The following CDH12 variants were observed in gnomAD, a reference collection of about 807,000 sequenced individuals.
The protein encoded by CDH12 is cadherin-12.
A neutral mutation model predicts 74.1 loss-of-function variants in CDH12; 41 were observed. The ratio of observed to expected loss-of-function variants is 0.55; its 90% CI spans 0.43 to 0.72. CDH12 has a LOEUF of 0.72. Among genes scored for constraint, CDH12 ranks in the 30% least tolerant of loss-of-function variants. The pLI is 0.00. For synonymous variants in CDH12, 399 were observed against 355.0 expected (o/e 1.12, Z -1.39); for missense variants, 945 against 977.2 (o/e 0.97, Z 0.44).
chr5:22,516,922 A>C (rs1736834266), intron 1 of CDH12, among the ~76,000 whole-genome samples: 1 of 152,172 alleles, frequency 6.6e-6, no homozygotes, highest in Non-Finnish European at 1.5e-5. Context: ...AAATGAATGG[A>C]CAAAAAATAC....
intron 1 of CDH12, among the ~76,000 whole-genome samples, chr5:22,693,507 T>C (rs1742192818): frequency 6.6e-6 from 1 of 152,098 alleles, no homozygotes; most frequent in African/African-American, 2.4e-5. Context: ...AATAACCCAT[T>C]TTGTGTGCCT....
At chr5:22,520,024 G>C (rs1012868021) in intron 1 of CDH12, among the ~76,000 whole-genome samples, 7 of 151,950 alleles carry the variant, frequency 4.6e-5, no homozygotes, top group African/African-American at 7.3e-5. Context: ...TTTACTCTAT[G>C]ATGAGAAAAA....
intron 8 of CDH12, among the ~76,000 whole-genome samples, chr5:21,817,344 C>G (rs182375489): frequency 2.1e-4 from 32 of 152,152 alleles, no homozygotes; most frequent in Middle Eastern, 3.4e-3. Context: ...AGAATTTTAA[C>G]TGGGCATTAT....
At chr5:22,029,003 C>A (rs915657746) in intron 5 of CDH12, among the ~76,000 whole-genome samples, 3 of 152,070 alleles carry the variant, frequency 2.0e-5, no homozygotes, top group African/African-American at 7.2e-5. Context: ...GAAAAACAAG[C>A]AATGGGGAAA....
chr5:22,746,428 G>A (rs940327038), intron 1 of CDH12, among the ~76,000 whole-genome samples: 1 of 152,130 alleles, frequency 6.6e-6, no homozygotes, highest in Non-Finnish European at 1.5e-5. Flanking sequence ...GTTTCTATCT[G>A]GTTTATCAGA....
At chr5:21,898,007 A>T (rs906501952) in intron 6 of CDH12, among the ~76,000 whole-genome samples, 1 of 152,144 alleles carries the variant, frequency 6.6e-6, no homozygotes. Context: ...AATATTTCTG[A>T]TATTTTTATT....
intron 3 of CDH12, among the ~76,000 whole-genome samples, chr5:22,331,009 C>T (rs368601261): frequency 2.0e-5 from 3 of 152,010 alleles, no homozygotes; most frequent in East Asian, 3.9e-4. Flanking sequence ...TCAGCGGTAG[C>T]CTAGCAGAAC....
intron 6 of CDH12, among the ~76,000 whole-genome samples, chr5:21,961,558 G>T (rs150037938): frequency 1.3e-5 from 2 of 152,072 alleles, no homozygotes; most frequent in Non-Finnish European, 2.9e-5. Flanking sequence ...TTTAAAGATA[G>T]GATCTTTATA....
chr5:22,478,439 A>T (rs571667627), intron 2 of CDH12, among the ~76,000 whole-genome samples: 23 of 144,668 alleles, frequency 1.6e-4, no homozygotes, highest in African/African-American at 5.9e-4. Context: ...AAAAAAAAAG[A>T]AAGAAATAAT....
In CDH12 at chr5:21,916,095, T is replaced by C. The variant is rs151106785; in HGVS notation, c.526+58996A>G. Among the ~76,000 whole-genome samples, 478 of 152,228 alleles carry C rather than the reference T, an allele frequency of 3.1e-3. 1 individual carries two copies. Among genetic ancestry groups the C allele is most frequent in the Non-Finnish European group, 5.2e-3 (351 of 68,012 alleles). On this transcript the variant is annotated intron_variant, in intron 6 of 14. Coordinates refer to ENST00000382254, the MANE Select transcript of CDH12 (RefSeq NM_004061.5). The stretch of plus-strand genomic sequence containing the variant: ...TTCAGTACATATTTTTGAACATCTA[T>C]AAGTACCAGGCTTGAGTGATACTGG...
intron 1 of CDH12, among the ~76,000 whole-genome samples, chr5:22,523,776 T>C (rs1737150464): frequency 6.6e-6 from 1 of 152,106 alleles, no homozygotes; most frequent in Non-Finnish European, 1.5e-5. Flanking sequence ...TTAATTATTT[T>C]CTTTCCACCC....
chr5:21,916,631 G>A (rs550995208), intron 6 of CDH12, among the ~76,000 whole-genome samples: 243 of 152,210 alleles, frequency 1.6e-3, no homozygotes, highest in Non-Finnish European at 1.9e-3. Context: ...CCCCTAGTAA[G>A]TGACATCTGC....
chr5:22,118,993 T>A (rs894952415), intron 4 of CDH12, among the ~76,000 whole-genome samples: 10 of 152,088 alleles, frequency 6.6e-5, no homozygotes, highest in African/African-American at 2.2e-4. Flanking sequence ...GTGAAGATGA[T>A]AAGAAGATAA....
chr5:22,852,048 A>C (rs1737580946), intron 1 of CDH12, among the ~76,000 whole-genome samples: 1 of 152,178 alleles, frequency 6.6e-6, no homozygotes, highest in Non-Finnish European at 1.5e-5. Flanking sequence ...AACTGTAAAC[A>C]CATTTTCAGA....
intron 1 of CDH12, among the ~76,000 whole-genome samples, chr5:22,589,634 A>C (rs1341091133): frequency 6.6e-6 from 1 of 152,138 alleles, no homozygotes; most frequent in Non-Finnish European, 1.5e-5. Context: ...TCCTCCTTAG[A>C]ACACTTTTCC....
At chr5:22,615,844 A>ACCTTGTACAGACAAGGTCTC (rs1737663672) in intron 1 of CDH12, among the ~76,000 whole-genome samples, 1 of 152,138 alleles carries the variant, frequency 6.6e-6, no homozygotes, top group African/African-American at 2.4e-5. Context: ...CAGGGTTGGG[A>ACCTTGTACAGACAAGGTCTC]ATAAATGTGT....
intron 3 of CDH12, among the ~76,000 whole-genome samples, chr5:22,304,319 A>G (rs1261299189): frequency 6.6e-6 from 1 of 152,154 alleles, no homozygotes; most frequent in Non-Finnish European, 1.5e-5. Flanking sequence ...GACAACATAG[A>G]ATTAAGCTCT....
At chr5:22,811,632 T>C (rs77147064) in intron 1 of CDH12, among the ~76,000 whole-genome samples, 5,116 of 152,236 alleles carry the variant, frequency 0.034, 281 homozygotes, top group African/African-American at 0.12. Flanking sequence ...TTATGAATCG[T>C]TTGAGAAATG....
chr5:22,718,023 C>A (rs961139496), intron 1 of CDH12, among the ~76,000 whole-genome samples: 1 of 152,126 alleles, frequency 6.6e-6, no homozygotes, highest in South Asian at 2.1e-4. Context: ...TCAGCTAATG[C>A]TTTCATATTC....
Sources: gnomAD v4.1 joint callset for allele counts (sites outside exome capture counted in the v4.1 genomes callset) on GRCh38, gnomAD v4.1.1 for gene constraint, MANE v1.5 for transcripts, NCBI Gene and HGNC (gene_info 2026-07-23, HGNC 2026-07-21) for gene names.